The following HERC2 variants were observed in gnomAD, a reference collection of about 807,000 sequenced individuals.
The protein encoded by HERC2 is HECT and RLD domain containing E3 ubiquitin protein ligase 2.
In HERC2, 102 loss-of-function variants were observed where a neutral mutation model predicts 537.7. The observed-to-expected ratio is 0.19, with a 90% CI of 0.16 to 0.22. The LOEUF is 0.22. Among genes scored for constraint, HERC2 ranks in the 10% least tolerant of loss-of-function variants. HERC2 has a pLI of 1.00. For synonymous variants in HERC2, 2,224 were observed against 2,466.2 expected, an observed-to-expected ratio of 0.90 and a Z score of 2.91; for missense variants, 4,236 against 6,198.2, an observed-to-expected ratio of 0.68 and a Z score of 10.63.
chr15:28,274,291 C>A lies in HERC2; in HGVS notation c.800G>T (p.Gly267Val). The A allele has an allele frequency of 6.2e-7, 1 of 1,614,050 alleles. No homozygotes were observed. The highest frequency in any genetic ancestry group is 1.3e-5 in the African/African-American group (1 of 75,042). ...GAAGGCAAGAAAGGAAAGAACTCAC[C>A]CCGTCACGACGGACCTGAGGAACCT... ...ATRFLRSVVT[G>V]DVHGTPATKG... The change falls in exon 7 of 93, where the codon GGG (glycine) becomes GTG (valine). Residue 267 changes from glycine to valine, a missense_variant and splice_region_variant. Around this residue, in one of 27 missense-constraint regions of HERC2, gnomAD observed 491 missense variants for 559.3 expected, o/e 0.88. Transcript: ENST00000261609.
Position 28,293,034 on chromosome 15 carries a change from A to G in HERC2, c.188-12T>C, listed in dbSNP as rs570260553. 45 of 1,597,410 alleles carry G rather than the reference A, an allele frequency of 2.8e-5. No individual in the cohort carries two copies. The South Asian group carries it at 4.9e-4, about 17-fold the overall frequency. On this transcript the variant is annotated splice_polypyrimidine_tract_variant and intron_variant, in intron 3 of 92. Transcript: ENST00000261609. ...TTCGACACTATCATCTGCAGAATTA[A>G]AAATTTTTTAATCTGTCACCGCTTT...
intron 69 of HERC2, among the ~76,000 whole-genome samples, chr15:28,161,243 A>T (rs1048424964): frequency 4.6e-5 from 7 of 151,830 alleles, no homozygotes; most frequent in Admixed American, 3.9e-4. Context: ...GTATGAACTT[A>T]CATTTAATGA....
intron 69 of HERC2, among the ~76,000 whole-genome samples, chr15:28,153,756 T>A (rs180680885): frequency 6.6e-6 from 1 of 152,158 alleles, no homozygotes; most frequent in African/African-American, 2.4e-5. Flanking sequence ...TAGCTTCATT[T>A]TACACCAAGA....
At chr15:28,210,963 C>A in intron 44 of HERC2, 39 bp downstream of exon 44, 1 of 951,004 alleles carries the variant, frequency 1.1e-6, no homozygotes, top group South Asian at 1.3e-5. Flanking sequence ...CTTTCTACTG[C>A]CCTTCTTATA....
intron 2 of HERC2, among the ~76,000 whole-genome samples, chr15:28,319,491 G>A (rs1369254804): frequency 7.9e-5 from 12 of 151,326 alleles, no homozygotes; most frequent in Admixed American, 5.2e-4. Context: ...AGGCTGAGGC[G>A]GGAGAATCAC....
At chr15:28,321,218 T>A in intron 2 of HERC2, 144 bp downstream of exon 2, 1 of 647,284 alleles carries the variant, frequency 1.5e-6, no homozygotes, top group South Asian at 1.7e-5. Flanking sequence ...ACTGTTACAT[T>A]TTAAGTTACA....
chr15:28,280,404 T>C, intron 4 of HERC2, 117 bp from the exon 5 acceptor site: 1 of 820,508 alleles, frequency 1.2e-6, no homozygotes, highest in Non-Finnish European at 1.9e-6. Flanking sequence ...TATGTGGCAA[T>C]AATGGTTTTA....
In HERC2 at chr15:28,294,268, A is replaced by G. The variant is rs1449755329; in HGVS notation, c.188-1246T>C. On this transcript the variant is annotated intron_variant, in intron 3 of 92. Coordinates refer to ENST00000261609, the MANE Select transcript of HERC2 (RefSeq NM_004667.6). ...TGAATGCTGAAAAAAATATCCAAAG[A>G]ACTAATGGCTGAAAACTTCCTAGGT... 3.9e-5 allele frequency among the ~76,000 whole-genome samples: 6 copies of G among 151,966 alleles called. No homozygotes were observed. In the South Asian group the frequency reaches 1.0e-3, roughly 26 times the overall value.
chr15:28,124,121 G>A lies in HERC2; in HGVS notation c.13104C>T (p.Asp4368=). 1 of 1,606,736 alleles carries A rather than the reference G, an allele frequency of 6.2e-7. No individual in the cohort carries two copies. The highest frequency in any genetic ancestry group is 8.5e-7 in the Non-Finnish European group (1 of 1,176,462). Residue 4368 remains aspartate (D), a synonymous_variant, in exon 85 of 93, where the codon GAC becomes GAT. Transcript: ENST00000261609. ...CAGTTTCGTCGAGCGAGCCTTCCAG[G>A]TCGAACATGGGGATGCAGGGGCAGA... ...ELFCPCIPMF[D]LEGSLDETGL...
At chr15:28,167,543 A>C (rs1348391828) in intron 68 of HERC2, 144 bp downstream of exon 68, 4 of 923,530 alleles carry the variant, frequency 4.3e-6, no homozygotes, top group Non-Finnish European at 6.6e-6. Context: ...GCATTCCCAC[A>C]AACGCTTCGA....
chr15:28,224,441 C>G (rs187540211), intron 35 of HERC2, among the ~76,000 whole-genome samples: 3 of 152,142 alleles, frequency 2.0e-5, no homozygotes, highest in Non-Finnish European at 2.9e-5. Context: ...AAGTTGGTCT[C>G]AAACTCCTGA....
Position 28,113,450 on chromosome 15 carries a change from C to T in HERC2, c.14019+123G>A. The T allele has an allele frequency of 9.3e-7, 1 of 1,069,734 alleles. No homozygotes were observed. The highest frequency in any genetic ancestry group is 1.4e-6 in the Non-Finnish European group (1 of 714,134). The allele number at this position is 1,069,734 out of a possible 1,614,324, so 66.3% of individuals were successfully genotyped here. ...TCCTGCAGGCGGGTGGAGGGACGCG[C>T]TCAGAGTGCACTCCCTTCAGTCAAC... On this transcript the variant is annotated intron_variant, in intron 91 of 92. Transcript: ENST00000261609. The surrounding 1 kb of genome is among the most constrained non-coding windows in gnomAD (Gnocchi z 7.0).
chr15:28,209,183 C>T (rs181346369), intron 44 of HERC2, among the ~76,000 whole-genome samples: 86 of 152,210 alleles, frequency 5.7e-4, no homozygotes, highest in Admixed American at 1.4e-3. Flanking sequence ...CATATTTCCA[C>T]GGCAATAAAC....
intron 50 of HERC2, among the ~76,000 whole-genome samples, chr15:28,197,236 A>C (rs945129159): frequency 2.6e-5 from 4 of 152,232 alleles, no homozygotes; most frequent in Non-Finnish European, 4.4e-5. Flanking sequence ...GGTTCAAACA[A>C]ACAAATAATC....
At chr15:28,262,250 T>C (rs933272656) in intron 15 of HERC2, among the ~76,000 whole-genome samples, 9 of 152,004 alleles carry the variant, frequency 5.9e-5, no homozygotes, top group African/African-American at 1.9e-4. Context: ...CCCTCCAACA[T>C]CATAGTTTTG....
Position 28,168,692 on chromosome 15 carries a change from T to A in HERC2, c.10230-102A>T, listed in dbSNP as rs1007805494. The A allele has an allele frequency of 3.1e-6, 3 of 979,768 alleles. No individual in the cohort carries two copies. The African/African-American group carries it at 5.0e-5, about 16-fold the overall frequency. The allele number at this position is 979,768 out of a possible 1,614,324, so 60.7% of individuals were successfully genotyped here. A position where few individuals can be genotyped will look rare whatever the true frequency, so the allele number is the denominator to read the frequency against. ...AGCACGCACTGAGGCGTTTCCTCAT[T>A]TTTACTGAATACATGTAGAAGAGTT... is the stretch of plus-strand genomic sequence containing the variant. On this transcript the variant is annotated intron_variant, in intron 66 of 92. Coordinates refer to ENST00000261609, the MANE Select transcript of HERC2 (RefSeq NM_004667.6).
At chr15:28,124,294 G>C in intron 84 of HERC2, 60 bp from the exon 85 acceptor site, 1 of 1,172,474 alleles carries the variant, frequency 8.5e-7, no homozygotes, top group Non-Finnish European at 1.2e-6. Context: ...GGGCCAGTGT[G>C]GCATCCATTA....
At chr15:28,228,656 G>C (rs998347760) in intron 34 of HERC2, among the ~76,000 whole-genome samples, 1 of 152,216 alleles carries the variant, frequency 6.6e-6, no homozygotes, top group African/African-American at 2.4e-5. Context: ...AATGCAGAAA[G>C]CACGGGCAAT....
In HERC2 at chr15:28,246,803, A is replaced by C. The variant is rs753126645; in HGVS notation, c.3330T>G (p.Ile1110Met). 2.6e-5 allele frequency: 42 copies of C among 1,610,248 alleles called. No individual in the cohort carries two copies. In the South Asian group the frequency reaches 4.3e-4, roughly 17 times the overall value. Residue 1110 changes from isoleucine to methionine, a missense_variant, in exon 22 of 93, where the codon ATT becomes ATG. By Grantham distance (10) the Ile-to-Met change is conservative (BLOSUM62 1). Transcript: ENST00000261609. The stretch of plus-strand genomic sequence containing the variant: ...CGAAGTGCCGCCAGCTGGTAGAAGC[A>C]ATGCTGGCGGCCACAGGCAGTATAT... ...IGDILPVAAS[I>M]ASTSWRHFAE... is the part of the protein sequence containing the mutation.
Sources: gnomAD v4.1 joint callset for allele counts (sites outside exome capture counted in the v4.1 genomes callset) on GRCh38, gnomAD v4.1.1 for gene constraint, gnomAD v4.1.1 regional missense constraint, Gnocchi (gnomAD v3.1) non-coding constraint, MANE v1.5 for transcripts, NCBI Gene and HGNC (gene_info 2026-07-23, HGNC 2026-07-21) for gene names.